Variants in BNC2 observed in about 807,000 individuals in gnomAD.
BNC2 encodes the protein zinc finger protein basonuclin-2.
BNC2 carries 20 observed loss-of-function variants against 76.3 expected under a neutral mutation model. The ratio of observed to expected loss-of-function variants is 0.26; its 90% CI spans 0.18 to 0.38. The LOEUF is 0.38. BNC2 is among the 10% of genes least tolerant of loss of function. The probability of loss-of-function intolerance (pLI) is 1.00; values close to 1 mark genes in which losing one functional copy is unlikely to be tolerated. For missense variants in BNC2, 1,382 were observed against 1,399.8 expected (o/e 0.99, Z 0.20); for synonymous variants, 582 against 514.8 (o/e 1.13, Z -1.77).
intron 5 of BNC2, among the ~76,000 whole-genome samples, chr9:16,454,944 C>T (rs375117668): frequency 6.6e-6 from 1 of 151,980 alleles, no homozygotes; most frequent in African/African-American, 2.4e-5. Context: ...GTTTTAAGGG[C>T]AAAAACTTAA....
chr9:16,844,747 C>T (rs937637308), intron 1 of BNC2, among the ~76,000 whole-genome samples: 4 of 152,140 alleles, frequency 2.6e-5, no homozygotes, highest in Non-Finnish European at 5.9e-5. Context: ...GATCCACCTG[C>T]CTTGGCCAAA....
chr9:16,809,649 G>A (rs1456564291), intron 1 of BNC2, among the ~76,000 whole-genome samples: 10 of 151,900 alleles, frequency 6.6e-5, no homozygotes, highest in Admixed American at 2.0e-4. Flanking sequence ...GTGGTGGCGC[G>A]TGCCTGTAGT....
At chr9:16,553,996 T>A (rs571213363) in intron 4 of BNC2, among the ~76,000 whole-genome samples, 5 of 152,164 alleles carry the variant, frequency 3.3e-5, no homozygotes, top group Non-Finnish European at 7.3e-5. Context: ...GATGAACACA[T>A]AAGCCTGAAG....
chr9:16,559,544 C>T (rs1818946232), intron 4 of BNC2, among the ~76,000 whole-genome samples: 1 of 152,216 alleles, frequency 6.6e-6, no homozygotes, highest in South Asian at 2.1e-4. Flanking sequence ...TCTGTTTTCA[C>T]CACATGTTCG....
intron 1 of BNC2, among the ~76,000 whole-genome samples, chr9:16,774,552 C>T: frequency 6.6e-6 from 1 of 152,190 alleles, no homozygotes; most frequent in Non-Finnish European, 1.5e-5. Flanking sequence ...TTTCCTCATC[C>T]AACTTTTAAA....
At chr9:16,748,895 C>A (rs1208733181) in intron 1 of BNC2, among the ~76,000 whole-genome samples, 1 of 132,414 alleles carries the variant, frequency 7.6e-6, no homozygotes, top group Non-Finnish European at 1.6e-5. Context: ...TCTGTGTAAG[C>A]TTCTGTACTT....
intron 1 of BNC2, among the ~76,000 whole-genome samples, chr9:16,809,034 G>C (rs905723290): frequency 6.6e-6 from 1 of 152,114 alleles, no homozygotes; most frequent in African/African-American, 2.4e-5. Context: ...TCACAGACTT[G>C]GAACCAGGCA....
At chr9:16,820,076 G>T (rs1818282704) in intron 1 of BNC2, among the ~76,000 whole-genome samples, 1 of 127,876 alleles carries the variant, frequency 7.8e-6, no homozygotes, top group Non-Finnish European at 1.5e-5. Context: ...AGTGAGCCGA[G>T]ATCATGCCAC....
rs368195682 is a variant in BNC2 at position 16,559,623 on chromosome 9, G to A, written c.434-6858C>T. The stretch of plus-strand genomic sequence containing the variant: ...AAGTCCCTAACTGCCAGCAATCTGG[G>A]CTACTTGCCCATCACTCTGCTGAAG... On this transcript the variant is annotated intron_variant, in intron 4 of 6. Coordinates refer to ENST00000380672, the MANE Select transcript of BNC2 (RefSeq NM_017637.6). 5.9e-5 allele frequency among the ~76,000 whole-genome samples: 9 copies of A among 152,266 alleles called. No homozygotes were observed. In the East Asian group the frequency reaches 1.4e-3, roughly 23 times the overall value.
rs137905247 is a variant in BNC2, at chr9:16,572,465, A to G, written c.433+10518T>C. ...CTGAGTGAGACTTTTCCATAAGCTT[A>G]GAGTTTCAATAAACCTTTGTTCCAT... is the stretch of plus-strand genomic sequence containing the variant. On this transcript the variant is annotated intron_variant, in intron 4 of 6. Transcript: ENST00000380672. 1.9e-3 allele frequency among the ~76,000 whole-genome samples: 293 copies of G among 152,324 alleles called. 2 individuals carry two copies. The highest frequency in any genetic ancestry group is 6.8e-3 in the African/African-American group (283 of 41,572).
chr9:16,437,530 G>A lies in BNC2; in HGVS notation c.670-6C>T. ...AGCACCTTGCCAGCAGCATCCTAGA[G>A]GCCACATCAAAGAAACAACAAAGAC... On this transcript the variant is annotated splice_polypyrimidine_tract_variant and splice_region_variant and intron_variant, in intron 5 of 6. Coordinates refer to ENST00000380672, the MANE Select transcript of BNC2 (RefSeq NM_017637.6). 6.2e-7 allele frequency: 1 copy of A among 1,610,886 alleles called. No homozygotes were observed. Among genetic ancestry groups the A allele is most frequent in the Non-Finnish European group, 8.5e-7 (1 of 1,179,918 alleles).
chr9:16,595,461 C>T (rs1820039885), intron 3 of BNC2, among the ~76,000 whole-genome samples: 1 of 152,144 alleles, frequency 6.6e-6, no homozygotes, highest in Non-Finnish European at 1.5e-5. Flanking sequence ...TAGCGCTTCA[C>T]ATAAATCAAT....
chr9:16,559,808 C>T (rs1236884741), intron 4 of BNC2, among the ~76,000 whole-genome samples: 1 of 152,250 alleles, frequency 6.6e-6, no homozygotes, highest in Admixed American at 6.5e-5. Context: ...CATTTATCCA[C>T]CAGCACCTAT....
chr9:16,703,552 A>C (rs906596731), intron 3 of BNC2, among the ~76,000 whole-genome samples: 4 of 152,166 alleles, frequency 2.6e-5, no homozygotes, highest in African/African-American at 9.7e-5. Context: ...CCATAAACAC[A>C]GCTTGATTTT....
At chr9:16,868,773 T>C (rs115555097) in intron 1 of BNC2, among the ~76,000 whole-genome samples, 1 of 151,562 alleles carries the variant, frequency 6.6e-6, no homozygotes, top group African/African-American at 2.4e-5. Context: ...ACACAGATAC[T>C]CTCTAAAGGC....
intron 3 of BNC2, among the ~76,000 whole-genome samples, chr9:16,703,047 C>T (rs1382047532): frequency 6.6e-6 from 1 of 152,044 alleles, no homozygotes; most frequent in African/African-American, 2.4e-5. Flanking sequence ...GGAGAAGATT[C>T]CTAAATCAGC....
At chr9:16,804,966 G>T (rs1817869326) in intron 1 of BNC2, among the ~76,000 whole-genome samples, 1 of 152,080 alleles carries the variant, frequency 6.6e-6, no homozygotes, top group Non-Finnish European at 1.5e-5. Context: ...GGAGGCTGAG[G>T]TGGGAGAATC....
chr9:16,838,867 A>C (rs1014794585), intron 1 of BNC2, among the ~76,000 whole-genome samples: 5 of 152,210 alleles, frequency 3.3e-5, no homozygotes, highest in African/African-American at 1.2e-4. Context: ...CTCCTGACCC[A>C]CAGTAAGGAC....
chr9:16,597,065 C>G (rs1820109566), intron 3 of BNC2, among the ~76,000 whole-genome samples: 1 of 151,996 alleles, frequency 6.6e-6, no homozygotes, highest in African/African-American at 2.4e-5. Context: ...AGAAGTGACA[C>G]TGAATAAAAT....
Sources: gnomAD v4.1 joint callset for allele counts (sites outside exome capture counted in the v4.1 genomes callset) on GRCh38, gnomAD v4.1.1 for gene constraint, MANE v1.5 for transcripts, NCBI Gene and HGNC (gene_info 2026-07-23, HGNC 2026-07-21) for gene names.